ADGRL3: variants seen among roughly 807,000 people sequenced by gnomAD.
The protein encoded by ADGRL3 is adhesion G protein-coupled receptor L3.
Under a neutral mutation model 153.5 loss-of-function variants are expected in ADGRL3, and 62 were observed. The ratio of observed to expected loss-of-function variants is 0.40; its 90% CI spans 0.33 to 0.50. The LOEUF (loss-of-function observed/expected upper bound fraction) is 0.50. Among genes scored for constraint, ADGRL3 ranks in the 20% least tolerant of loss-of-function variants. ADGRL3 has a pLI of 0.47. For missense variants in ADGRL3, 1,641 were observed against 1,859.4 expected (o/e 0.88, Z 2.16); for synonymous variants, 710 against 672.5 (o/e 1.06, Z -0.86).
chr4:62,072,404 T>G lies in ADGRL3; in HGVS notation c.*1496T>G, dbSNP rs1051940903. The G allele has an allele frequency of 6.6e-6, 1 of 152,628 alleles. No homozygotes were observed. The highest frequency in any genetic ancestry group is 1.5e-5 in the Non-Finnish European group (1 of 68,034). The allele number at this position is 152,628 out of a possible 1,614,324, so 9.5% of individuals were successfully genotyped here. Reference sequence around the variant, plus strand: ...TAATATTTGTTGTAAAAGTGAAACTTGTTTGCCAACCAATAAACAACTGAT... The same window carrying G: ...TAATATTTGTTGTAAAAGTGAAACTGGTTTGCCAACCAATAAACAACTGAT... On this transcript the variant is annotated 3_prime_UTR_variant, in exon 27 of 27. Transcript: ENST00000683033.
rs1024675417 is a variant in ADGRL3, at chr4:62,010,343, C to T, written c.3395+12078C>T. Among the ~76,000 whole-genome samples the T allele has an allele frequency of 5.9e-5, 9 of 152,164 alleles. No individual in the cohort carries two copies. In the South Asian group the frequency reaches 1.9e-3, roughly 32 times the overall value. On this transcript the variant is annotated intron_variant, in intron 21 of 26. Coordinates refer to ENST00000683033, the MANE Select transcript of ADGRL3 (RefSeq NM_001387552.1). ...CCTCAACACACCTAGTCATCTCATT[C>T]GTATGCAGAAGGCACATGGAAGATT...
chr4:61,241,811 T>A (rs1755090289), intron 1 of ADGRL3, among the ~76,000 whole-genome samples: 1 of 152,124 alleles, frequency 6.6e-6, no homozygotes, highest in Non-Finnish European at 1.5e-5. Flanking sequence ...CATTGCTATA[T>A]TTGGGAGAAA....
At chr4:61,757,044 G>A (rs1405170810) in intron 8 of ADGRL3, among the ~76,000 whole-genome samples, 1 of 152,142 alleles carries the variant, frequency 6.6e-6, no homozygotes, top group Non-Finnish European at 1.5e-5. Context: ...GAGGATTTTT[G>A]CGTCGATGTT....
At chr4:61,615,129 G>A (rs779341899) in intron 5 of ADGRL3, among the ~76,000 whole-genome samples, 1 of 152,146 alleles carries the variant, frequency 6.6e-6, no homozygotes, top group Non-Finnish European at 1.5e-5. Flanking sequence ...GATTAAAAAT[G>A]AGTACAGTTT....
chr4:61,277,284 T>C (rs187543058), intron 1 of ADGRL3, among the ~76,000 whole-genome samples: 16 of 152,288 alleles, frequency 1.1e-4, no homozygotes, highest in African/African-American at 3.1e-4. Context: ...GGACTAGAGC[T>C]ATGAATGCGA....
intron 1 of ADGRL3, among the ~76,000 whole-genome samples, chr4:61,260,799 C>G (rs765741138): frequency 6.6e-6 from 1 of 152,004 alleles, no homozygotes; most frequent in Non-Finnish European, 1.5e-5. Flanking sequence ...GATCTCAGCC[C>G]GCTGCAATCT....
chr4:61,670,325 A>G (rs1206563565), intron 5 of ADGRL3, among the ~76,000 whole-genome samples: 1 of 152,116 alleles, frequency 6.6e-6, no homozygotes, highest in African/African-American at 2.4e-5. Context: ...TAATGATACC[A>G]TGTTAGATCT....
At chr4:61,528,894 G>A (rs2098594751) in intron 4 of ADGRL3, among the ~76,000 whole-genome samples, 1 of 152,118 alleles carries the variant, frequency 6.6e-6, no homozygotes, top group African/African-American at 2.4e-5. Context: ...GGCTTACTCT[G>A]TTGGAGAGAT....
chr4:61,545,979 T>C (rs2098712153), intron 4 of ADGRL3, among the ~76,000 whole-genome samples: 1 of 152,238 alleles, frequency 6.6e-6, no homozygotes, highest in Admixed American at 6.5e-5. Context: ...AGGACTGTGC[T>C]GTCCCCACAT....
At chr4:61,744,090 C>T (rs1319901001) in intron 8 of ADGRL3, among the ~76,000 whole-genome samples, 1 of 152,164 alleles carries the variant, frequency 6.6e-6, no homozygotes, top group Admixed American at 6.5e-5. Context: ...GGTCCTAGGC[C>T]CATGGAGTCT....
chr4:61,609,148 A>G (rs190323248), intron 5 of ADGRL3, among the ~76,000 whole-genome samples: 34 of 152,250 alleles, frequency 2.2e-4, no homozygotes, highest in Middle Eastern at 3.4e-3. Flanking sequence ...ATCATTGCCA[A>G]CAATATTTAT....
chr4:61,896,112 T>C (rs919152097), intron 11 of ADGRL3, among the ~76,000 whole-genome samples: 1 of 152,166 alleles, frequency 6.6e-6, no homozygotes, highest in Non-Finnish European at 1.5e-5. Context: ...CAAGAGGCAT[T>C]ATACATTAAG....
chr4:61,698,492 A>G (rs1474548819), intron 6 of ADGRL3, among the ~76,000 whole-genome samples: 1 of 152,070 alleles, frequency 6.6e-6, no homozygotes, highest in South Asian at 2.1e-4. Context: ...AACAAATACA[A>G]AAATACTTAT....
intron 4 of ADGRL3, among the ~76,000 whole-genome samples, chr4:61,519,194 G>A (rs1465373515): frequency 1.3e-5 from 2 of 152,058 alleles, no homozygotes; most frequent in Admixed American, 6.5e-5. Flanking sequence ...TAGAATCATT[G>A]TTTCTAAGAA....
intron 5 of ADGRL3, among the ~76,000 whole-genome samples, chr4:61,660,172 A>G (rs571633991): frequency 6.6e-6 from 1 of 152,286 alleles, no homozygotes; most frequent in South Asian, 2.1e-4. Flanking sequence ...TCGTGTATGC[A>G]TACCTCAGTG....
At chr4:61,589,869 T>C (rs997685039) in intron 5 of ADGRL3, among the ~76,000 whole-genome samples, 1 of 152,120 alleles carries the variant, frequency 6.6e-6, no homozygotes, top group Non-Finnish European at 1.5e-5. Flanking sequence ...GGAAGTTGAA[T>C]TGAAAGGCTG....
chr4:61,804,149 G>A (rs1049916815), intron 8 of ADGRL3, among the ~76,000 whole-genome samples: 29 of 152,084 alleles, frequency 1.9e-4, no homozygotes, highest in African/African-American at 6.8e-4. Flanking sequence ...ATCATCCTGG[G>A]AGAATATCCA....
At chr4:61,250,833 C>T (rs1256079829) in intron 1 of ADGRL3, among the ~76,000 whole-genome samples, 2 of 152,050 alleles carry the variant, frequency 1.3e-5, no homozygotes, top group Non-Finnish European at 2.9e-5. Context: ...GACTTAGTTT[C>T]CTCATCTGTA....
At position 62,044,388 on chromosome 4, in the gene ADGRL3, A is replaced by G. The variant is rs1345003497; in HGVS notation, c.3718-65A>G. The stretch of plus-strand genomic sequence containing the variant: ...ATATAATTATGACAGAAAAGAAAAG[A>G]ATGATTTGTGTGAAAATTCACTGCA... On this transcript the variant is annotated intron_variant, in intron 24 of 26. Transcript: ENST00000683033. 3.8e-6 allele frequency: 4 copies of G among 1,052,670 alleles called. No individual in the cohort carries two copies. The African/African-American group carries it at 4.8e-5, about 13-fold the overall frequency. The allele number at this position is 1,052,670 out of a possible 1,614,324, so 65.2% of individuals were successfully genotyped here. A position where few individuals can be genotyped will look rare whatever the true frequency, so the allele number is the denominator to read the frequency against.
Sources: allele counts gnomAD v4.1 joint callset (sites outside exome capture counted in the v4.1 genomes callset), GRCh38; gene constraint gnomAD v4.1.1; transcripts MANE v1.5; gene names NCBI Gene and HGNC (gene_info 2026-07-23, HGNC 2026-07-21).